The following TTLL8 variants were observed in gnomAD, a reference collection of about 807,000 sequenced individuals.
The protein encoded by TTLL8 is protein monoglycylase TTLL8.
In TTLL8, 65 loss-of-function variants were observed where a neutral mutation model predicts 77.8. The observed-to-expected ratio is 0.84, with a 90% confidence interval of 0.68 to 1.03. The LOEUF is 1.03. Ranked by LOEUF, TTLL8 falls within the 50% of genes least tolerant of loss-of-function variation. The probability of loss-of-function intolerance (pLI) is 0.00; values close to 1 mark genes in which losing one functional copy is unlikely to be tolerated. For missense variants in TTLL8, 910 were observed against 1,004.5 expected (o/e 0.91, Z 1.27); for synonymous variants, 402 against 422.8 (o/e 0.95, Z 0.60).
Position 50,030,944 on chromosome 22 carries a change from T to G in TTLL8, c.1708-19A>C, listed in dbSNP as rs1177296981. ...CCACCGGCTGTGGGGAAGGAACAGG[T>G]TGGGGTGCTGGGCTGTGGCCGGGAT... On this transcript the variant is annotated intron_variant, in intron 11 of 13. Coordinates refer to ENST00000266182, the Ensembl canonical transcript of TTLL8. 3.0e-6 allele frequency: 4 copies of G among 1,312,542 alleles called. No homozygotes were observed. Among genetic ancestry groups the G allele is most frequent in the Non-Finnish European group, 1.0e-6 (1 of 1,002,150 alleles). 81.3% of individuals were successfully genotyped at this position (1,312,542 alleles called of 1,614,324 possible).
intron 3 of TTLL8, 22 bp downstream of exon 5, chr22:50,049,227 A>C: frequency 7.3e-7 from 1 of 1,367,512 alleles, no homozygotes; most frequent in Non-Finnish European, 9.8e-7. Context: ...GCAGCTGACC[A>C]TGACGCATGC....
chr22:50,030,685 A>G (rs781351545), exon 12 of TTLL8: 7 of 1,283,054 alleles, frequency 5.5e-6, no homozygotes, highest in Non-Finnish European at 7.1e-6. Context: ...GGTGCCAGCA[A>G]GGCCAGGGGG....
At chr22:50,035,860 C>G (rs1894550817) in intron 8 of TTLL8, among the ~76,000 whole-genome samples, 1 of 152,180 alleles carries the variant, frequency 6.6e-6, no homozygotes, top group South Asian at 2.1e-4. Flanking sequence ...AGCCCAGCCC[C>G]GAGCCTGTGA....
At position 50,041,872 on chromosome 22, in the gene TTLL8, G is replaced by T; in HGVS notation, c.644-65C>A. The stretch of plus-strand genomic sequence containing the variant: ...CCAGGGGCAGCCCTGCCCGCCTCGA[G>T]GGGTGATGTCTAAAGTCATGGACAA... On this transcript the variant is annotated intron_variant, in intron 6 of 13. Transcript: ENST00000266182. The surrounding 1 kb of genome is among the most constrained non-coding windows in gnomAD (Gnocchi z 4.3). The T allele has an allele frequency of 7.8e-7, 1 of 1,277,602 alleles. No individual in the cohort carries two copies. The highest frequency in any genetic ancestry group is 1.0e-6 in the Non-Finnish European group (1 of 978,332). The allele number at this position is 1,277,602 out of a possible 1,614,324, so 79.1% of individuals were successfully genotyped here.
At chr22:50,055,688 G>A (rs549949740), upstream of TTLL8, among the ~76,000 whole-genome samples, 180 of 151,522 alleles carry the variant, frequency 1.2e-3, no homozygotes, top group African/African-American at 4.3e-3. Context: ...TTCGTCTGAT[G>A]AGGCTGACAT....
At chr22:50,022,608 T>A (rs1285220369) in intron 12 of TTLL8, among the ~76,000 whole-genome samples, 1 of 151,854 alleles carries the variant, frequency 6.6e-6, no homozygotes, top group East Asian at 1.9e-4. Flanking sequence ...TACTCCTCCA[T>A]CTGATGCGCA....
In TTLL8 at chr22:50,034,307, G is replaced by A. The variant is rs369371275; in HGVS notation, c.1039+38C>T. The A allele has an allele frequency of 3.2e-4, 434 of 1,340,520 alleles. No homozygotes were observed. The highest frequency in any genetic ancestry group is 3.9e-4 in the Non-Finnish European group (394 of 1,006,868). 83.0% of individuals were successfully genotyped at this position (1,340,520 alleles called of 1,614,324 possible). On this transcript the variant is annotated intron_variant, in intron 9 of 13. Transcript: ENST00000266182. This position sits in a 1 kb window ranked among gnomAD's most constrained non-coding sequence, Gnocchi z 4.1. ...ACGGCTCCTGGCATCAAGTGTGGCCGTTGGTGGCTATGAACGCGGTGCAGG... is the reference window on the plus strand; with the variant it reads ...ACGGCTCCTGGCATCAAGTGTGGCCATTGGTGGCTATGAACGCGGTGCAGG...
chr22:50,032,224 T>A, intron 10 of TTLL8, 115 bp from the exon 12 acceptor site: 1 of 1,120,120 alleles, frequency 8.9e-7, no homozygotes. Flanking sequence ...ACCCTGCCCC[T>A]GAGGACTCCA....
exon 2 of TTLL8, chr22:50,050,214 G>A (rs1212280016): frequency 7.4e-7 from 1 of 1,353,718 alleles, no homozygotes; most frequent in Admixed American, 2.0e-5. Context: ...CGGACCACCG[G>A]GTAGTGTCCG....
intron 8 of TTLL8, among the ~76,000 whole-genome samples, chr22:50,040,452 A>G (rs2061363823): frequency 6.6e-6 from 1 of 152,264 alleles, no homozygotes; most frequent in African/African-American, 2.4e-5. Context: ...CCCAAATGTG[A>G]AATCTGAAAA....
chr22:50,050,227 G>C (rs762911020), exon 2 of TTLL8: 3 of 1,340,308 alleles, frequency 2.2e-6, no homozygotes, highest in Non-Finnish European at 3.0e-6. Flanking sequence ...AGTGTCCGTA[G>C]ATAGAGAAAA....
chr22:50,041,415 C>T lies in TTLL8; in HGVS notation c.831-138G>A, dbSNP rs2061369827. The T allele has an allele frequency of 1.9e-6, 2 of 1,036,948 alleles. No individual in the cohort carries two copies. The highest frequency in any genetic ancestry group is 3.4e-5 in the African/African-American group (2 of 58,918). 64.2% of individuals were successfully genotyped at this position (1,036,948 alleles called of 1,614,324 possible). A position where few individuals can be genotyped will look rare whatever the true frequency, so the allele number is the denominator to read the frequency against. On this transcript the variant is annotated intron_variant, in intron 7 of 13. Coordinates refer to ENST00000266182, the Ensembl canonical transcript of TTLL8. This position sits in a 1 kb window ranked among gnomAD's most constrained non-coding sequence, Gnocchi z 4.3. ...ATACCCAACAAGTATCCCAGACATC[C>T]AGACAGACACCACAATACTCAACAA...
At position 50,044,317 on chromosome 22, in the gene TTLL8, C is replaced by CA. The variant is rs1016383243; in HGVS notation, c.643+937dup. On this transcript the variant is annotated intron_variant, in intron 6 of 13. Coordinates refer to ENST00000266182, the Ensembl canonical transcript of TTLL8. The surrounding 1 kb of genome is among the most constrained non-coding windows in gnomAD (Gnocchi z 4.2). ...TGGGTGACAGAGCAAGACTCCATCTCAAAAAAAAAAAAACATTAATTAGGA... is the reference window on the plus strand; with the variant it reads ...TGGGTGACAGAGCAAGACTCCATCTCAAAAAAAAAAAAAACATTAATTAGGA... Among the ~76,000 whole-genome samples the CA allele has an allele frequency of 7.1e-3, 928 of 131,338 alleles. 1 individual carries two copies. The highest frequency in any genetic ancestry group is 0.018 in the African/African-American group (634 of 35,736). 86.2% of individuals were successfully genotyped at this position (131,338 alleles called of 152,430 possible).
intron 12 of TTLL8, among the ~76,000 whole-genome samples, chr22:50,020,841 AACG>A (rs2061192403): frequency 1.7e-5 from 2 of 115,184 alleles, no homozygotes; most frequent in Admixed American, 8.7e-5. Flanking sequence ...TCCATCTGAC[AACG>A]TGCACTCCTA....
chr22:50,055,336 G>A (rs1422166288), upstream of TTLL8: 6 of 1,289,752 alleles, frequency 4.7e-6, no homozygotes, highest in Non-Finnish European at 6.1e-6. Flanking sequence ...CTGCAAAAGA[G>A]AAGGAGGACA....
chr22:50,039,202 A>G (rs757677868), intron 8 of TTLL8, among the ~76,000 whole-genome samples: 2 of 152,132 alleles, frequency 1.3e-5, no homozygotes, highest in African/African-American at 2.4e-5. Flanking sequence ...TTTCTCTGTT[A>G]CTTGAAAGCA....
rs878865314 is a variant in TTLL8, at chr22:50,034,733, C to T, written c.922-271G>A. ...ACAGTGGGGACCCCGGTGTGTGGGT[C>T]GGAGCTGGCCACAGACCCCAAGCAG... On this transcript the variant is annotated intron_variant, in intron 8 of 13. Coordinates refer to ENST00000266182, the Ensembl canonical transcript of TTLL8. This position sits in a 1 kb window ranked among gnomAD's most constrained non-coding sequence, Gnocchi z 4.1. Among the ~76,000 whole-genome samples, 6 of 150,534 alleles carry T rather than the reference C, an allele frequency of 4.0e-5. No individual in the cohort carries two copies. The highest frequency in any genetic ancestry group is 9.8e-5 in the African/African-American group (4 of 40,800).
intron 3 of TTLL8, among the ~76,000 whole-genome samples, chr22:50,047,626 A>G (rs2061420872): frequency 6.6e-6 from 1 of 152,186 alleles, no homozygotes; most frequent in African/African-American, 2.4e-5. Flanking sequence ...TTCATAACCC[A>G]GAGCTTACAG....
chr22:50,055,258 C>T (rs2061464927), upstream of TTLL8: 1 of 1,289,786 alleles, frequency 7.8e-7, no homozygotes, highest in South Asian at 1.2e-5. Context: ...CTGTTAACTG[C>T]CTTGCTATTT....
Sources: gnomAD v4.1 joint callset for allele counts (sites outside exome capture counted in the v4.1 genomes callset) on GRCh38, gnomAD v4.1.1 for gene constraint, Gnocchi (gnomAD v3.1) non-coding constraint, MANE v1.5 for transcripts, NCBI Gene and HGNC (gene_info 2026-07-23, HGNC 2026-07-21) for gene names.